DYM: variants seen among roughly 807,000 people sequenced by gnomAD.
The protein encoded by DYM is dymeclin, also known as dyggve-Melchior-Clausen syndrome protein.
DYM carries 78 observed loss-of-function variants against 93.1 expected under a neutral mutation model. The observed-to-expected ratio is 0.84, with a 90% CI of 0.70 to 1.01. The LOEUF (loss-of-function observed/expected upper bound fraction) is 1.01, where lower values mean the gene tolerates loss of function less well. Among genes scored for constraint, DYM ranks in the 50% least tolerant of loss-of-function variants. DYM has a pLI of 0.00. For missense variants in DYM, 789 were observed against 845.0 expected (o/e 0.93, Z 0.82); for synonymous variants, 321 against 319.7 (o/e 1.00, Z -0.04).
At chr18:49,134,647 C>T (rs189403158) in intron 15 of DYM, among the ~76,000 whole-genome samples, 1 of 152,116 alleles carries the variant, frequency 6.6e-6, no homozygotes, top group Non-Finnish European at 1.5e-5. Flanking sequence ...AAAATAACCA[C>T]GATGATTTCA....
chr18:49,059,042 T>C (rs2075737284), intron 17 of DYM, among the ~76,000 whole-genome samples: 1 of 152,216 alleles, frequency 6.6e-6, no homozygotes, highest in Non-Finnish European at 1.5e-5. Context: ...ACTTATACTG[T>C]AAATACATCT....
At chr18:49,103,117 G>A (rs1239604529) in intron 16 of DYM, among the ~76,000 whole-genome samples, 7 of 152,194 alleles carry the variant, frequency 4.6e-5, no homozygotes, top group Non-Finnish European at 8.8e-5. Flanking sequence ...TCTAACTGGT[G>A]TGAGATGGTA....
At chr18:49,251,644 G>C (rs773264164) in intron 13 of DYM, among the ~76,000 whole-genome samples, 11 of 152,148 alleles carry the variant, frequency 7.2e-5, no homozygotes, top group Admixed American at 7.2e-4. Context: ...AAATGTCAAC[G>C]CACTTCATCC....
intron 17 of DYM, among the ~76,000 whole-genome samples, chr18:49,053,993 C>T (rs934144309): frequency 4.6e-5 from 7 of 152,082 alleles, no homozygotes; most frequent in African/African-American, 7.2e-5. Flanking sequence ...GTAGTTCTGG[C>T]GAATACTGGG....
intron 3 of DYM, among the ~76,000 whole-genome samples, chr18:49,388,457 T>C (rs2068848481): frequency 6.6e-6 from 1 of 151,862 alleles, no homozygotes; most frequent in Non-Finnish European, 1.5e-5. Flanking sequence ...AACAAGTATA[T>C]GGGACACAAT....
chr18:49,221,577 T>G (rs1315084160), intron 13 of DYM, among the ~76,000 whole-genome samples: 1 of 152,210 alleles, frequency 6.6e-6, no homozygotes, highest in East Asian at 1.9e-4. Context: ...TATGCAGCCA[T>G]AAAAGATGAT....
chr18:49,404,801 C>T (rs894467684), intron 2 of DYM, among the ~76,000 whole-genome samples: 4 of 152,072 alleles, frequency 2.6e-5, no homozygotes, highest in Non-Finnish European at 4.4e-5. Context: ...AGGTGAATCA[C>T]GAGGTCAGGA....
intron 13 of DYM, among the ~76,000 whole-genome samples, chr18:49,229,658 T>A (rs1047343972): frequency 6.6e-6 from 1 of 152,172 alleles, no homozygotes; most frequent in Non-Finnish European, 1.5e-5. Context: ...CTGTCATATA[T>A]TGTTGGCAAG....
chr18:49,080,563 C>A (rs1412897351), intron 17 of DYM, among the ~76,000 whole-genome samples: 1 of 141,278 alleles, frequency 7.1e-6, no homozygotes, highest in Non-Finnish European at 1.6e-5. Context: ...CCTCACCTCC[C>A]GGACGGGGCG....
At chr18:49,457,544 C>A (rs894603551) in intron 1 of DYM, among the ~76,000 whole-genome samples, 4 of 152,186 alleles carry the variant, frequency 2.6e-5, no homozygotes, top group Admixed American at 6.5e-5. Flanking sequence ...CTAGATCTAA[C>A]CATTCCCATT....
chr18:49,404,701 C>A (rs1486044523), intron 2 of DYM, among the ~76,000 whole-genome samples: 1 of 152,068 alleles, frequency 6.6e-6, no homozygotes, highest in Non-Finnish European at 1.5e-5. Flanking sequence ...TGTTTGTTGG[C>A]TTCTTATATG....
intron 3 of DYM, among the ~76,000 whole-genome samples, chr18:49,381,365 C>T (rs1176664615): frequency 6.6e-6 from 1 of 152,116 alleles, no homozygotes; most frequent in Non-Finnish European, 1.5e-5. Flanking sequence ...TTACTAACTG[C>T]CAAGCTCACT....
intron 5 of DYM, among the ~76,000 whole-genome samples, chr18:49,378,046 C>T (rs1219655389): frequency 1.3e-5 from 2 of 152,162 alleles, no homozygotes; most frequent in Admixed American, 6.5e-5. Flanking sequence ...CCTGTATCTT[C>T]AGAAAAAGAT....
chr18:49,164,799 T>C (rs966253004), intron 14 of DYM, among the ~76,000 whole-genome samples: 15 of 152,206 alleles, frequency 9.9e-5, no homozygotes, highest in Non-Finnish European at 1.6e-4. Flanking sequence ...TCAATGAACA[T>C]GAACATTTAG....
intron 8 of DYM, among the ~76,000 whole-genome samples, chr18:49,310,880 T>C (rs948022173): frequency 1.3e-5 from 2 of 152,198 alleles, no homozygotes; most frequent in Admixed American, 6.5e-5. Context: ...AATTTTCTAG[T>C]AGCCAACTAA....
chr18:49,288,147 T>G (rs1216934964), intron 8 of DYM, among the ~76,000 whole-genome samples: 1 of 152,178 alleles, frequency 6.6e-6, no homozygotes, highest in Non-Finnish European at 1.5e-5. Flanking sequence ...ATATTTCTAT[T>G]GGACAGAGTT....
chr18:49,073,780 C>T (rs181668674), intron 17 of DYM, among the ~76,000 whole-genome samples: 5 of 152,284 alleles, frequency 3.3e-5, no homozygotes, highest in Admixed American at 2.0e-4. Context: ...CCTCTTTAAC[C>T]ATTTAATCCA....
intron 8 of DYM, among the ~76,000 whole-genome samples, chr18:49,317,622 T>TCC (rs2062081678): frequency 4.3e-5 from 1 of 23,190 alleles, no homozygotes; most frequent in Non-Finnish European, 7.4e-5. Flanking sequence ...CCTCCCTCCC[T>TCC]CCCTCCCTCT....
chr18:49,373,501 C>T (rs959878377), intron 5 of DYM, among the ~76,000 whole-genome samples: 42 of 152,098 alleles, frequency 2.8e-4, no homozygotes, highest in African/African-American at 9.4e-4. Flanking sequence ...AGGTCACTCT[C>T]GTGGCCATTT....
Sources: allele counts gnomAD v4.1 joint callset (sites outside exome capture counted in the v4.1 genomes callset), GRCh38; gene constraint gnomAD v4.1.1; transcripts MANE v1.5; gene names NCBI Gene and HGNC (gene_info 2026-07-23, HGNC 2026-07-21).